The following ZNF442 variants were observed in gnomAD, a reference collection of about 807,000 sequenced individuals.
The protein encoded by ZNF442 is zinc finger protein 442.
A neutral mutation model predicts 57.0 loss-of-function variants in ZNF442; 45 were observed. The ratio of observed to expected loss-of-function variants is 0.79; its 90% CI spans 0.62 to 1.01. The LOEUF is 1.01. ZNF442 is among the 50% of genes least tolerant of loss of function. ZNF442 has a pLI of 0.00. For missense variants in ZNF442, 690 were observed against 756.5 expected (o/e 0.91, Z 1.03); for synonymous variants, 213 against 241.8 (o/e 0.88, Z 1.10).
chr19:12,367,843 T>C (rs757292193), upstream of ZNF442, among the ~76,000 whole-genome samples: 3 of 152,124 alleles, frequency 2.0e-5, no homozygotes, highest in African/African-American at 2.4e-5. Flanking sequence ...TAATTTTTTG[T>C]ATTTTTAGTA....
At chr19:12,363,721 A>G in intron 2 of ZNF442, 50 bp from the exon 3 acceptor site, 3 of 1,219,500 alleles carry the variant, frequency 2.5e-6, no homozygotes, top group Non-Finnish European at 3.6e-6. Context: ...AGCTTTTTAT[A>G]GAAATGGTAT....
chr19:12,352,989 T>C lies in ZNF442; in HGVS notation c.204A>G (p.Ile68Met). ...MWETIRNLDC[I>M]GMKWEDTNIE... ...GTGAAGACATAATGTCATTTTTACC[T>C]ATACAGTCCAGGTTCCTAATGGTTT... is the stretch of plus-strand genomic sequence containing the variant. The change falls in exon 4 of 6, where the codon ATA becomes ATG. Residue 68 changes from isoleucine to methionine, a missense_variant and splice_region_variant. Physicochemically the swap from Ile to Met is conservative, Grantham distance 10. Transcript: ENST00000242804. 6.2e-7 allele frequency: 1 copy of C among 1,601,152 alleles called. No individual in the cohort carries two copies. The highest frequency in any genetic ancestry group is 2.2e-5 in the East Asian group (1 of 44,562).
At chr19:12,360,395 C>T (rs892166855) in intron 3 of ZNF442, among the ~76,000 whole-genome samples, 1 of 152,118 alleles carries the variant, frequency 6.6e-6, no homozygotes, top group Non-Finnish European at 1.5e-5. Context: ...TGGAGTGATC[C>T]GGAGGCTCCC....
rs1427984302 is a variant in ZNF442, at chr19:12,350,063, T to G, written c.1522A>C (p.Arg508=). 1.2e-6 allele frequency: 2 copies of G among 1,614,100 alleles called. No homozygotes were observed. Among genetic ancestry groups the G allele is most frequent in the Admixed American group, 3.3e-5 (2 of 60,014 alleles). ...SCFTYLSQHR[R]THMAEKPYEC... ...TAAGGTTTTTCAGCCATGTGAGTCCTTCTATGTTGAGAAAGGTATGTGAAA... is the reference window on the plus strand; with the variant it reads ...TAAGGTTTTTCAGCCATGTGAGTCCGTCTATGTTGAGAAAGGTATGTGAAA... The change falls in exon 6 of 6, where the codon AGG becomes CGG. Residue 508 remains arginine, a synonymous_variant. Transcript: ENST00000242804.
At chr19:12,364,066 G>C (rs538594072) in intron 2 of ZNF442, among the ~76,000 whole-genome samples, 1 of 152,160 alleles carries the variant, frequency 6.6e-6, no homozygotes, top group Non-Finnish European at 1.5e-5. Flanking sequence ...TGCAGTGTCA[G>C]GTTATTCTCT....
chr19:12,362,190 GA>G (rs2144840676), intron 3 of ZNF442, among the ~76,000 whole-genome samples: 1 of 152,120 alleles, frequency 6.6e-6, no homozygotes, highest in East Asian at 1.9e-4. Flanking sequence ...CATCATCTGG[GA>G]TGTGAGGAGC....
At chr19:12,356,247 TGAAATAAAAA>T (rs1969326388) in intron 3 of ZNF442, among the ~76,000 whole-genome samples, 1 of 151,692 alleles carries the variant, frequency 6.6e-6, no homozygotes, top group South Asian at 2.1e-4. Context: ...AACTGTAGAA[TGAAATAAAAA>T]GATAAACCAC....
upstream of ZNF442, among the ~76,000 whole-genome samples, chr19:12,369,580 A>G (rs1178526464): frequency 6.7e-6 from 1 of 150,070 alleles, no homozygotes; most frequent in Non-Finnish European, 1.5e-5. Context: ...CAGCCTGGGC[A>G]ACAAGAGCGA....
At chr19:12,351,755 G>A (rs1176775508) in intron 5 of ZNF442, 2 of 403,998 alleles carry the variant, frequency 5.0e-6, no homozygotes, top group Non-Finnish European at 4.4e-6. Flanking sequence ...CGCTCGCCTT[G>A]GCCTCCCAAA....
At chr19:12,363,323 A>C (rs1301946717) in intron 3 of ZNF442, among the ~76,000 whole-genome samples, 3 of 152,136 alleles carry the variant, frequency 2.0e-5, no homozygotes, top group Admixed American at 1.3e-4. Flanking sequence ...TTTCAATGTG[A>C]CAACCTCAGG....
chr19:12,373,625 G>T, the ZNF442 span: 2 of 259,632 alleles, frequency 7.7e-6, no homozygotes, highest in Admixed American at 3.6e-5. Context: ...CACTCTTGTC[G>T]CATCTGTTCA....
Position 12,349,026 on chromosome 19 carries a change from C to CAAAAAAAAAAAAAA in ZNF442, c.*661_*674dup, listed in dbSNP as rs146226078. 1.7e-5 allele frequency: 1 copy of CAAAAAAAAAAAAAA among 58,986 alleles called. No individual in the cohort carries two copies. The allele number at this position is 58,986 out of a possible 1,614,324, so 3.7% of individuals were successfully genotyped here. On this transcript the variant is annotated 3_prime_UTR_variant, in exon 6 of 6. Coordinates refer to ENST00000242804, the MANE Select transcript of ZNF442 (RefSeq NM_030824.3). ...TGAAACCCCGTCTCTACTAAAAATA[C>CAAAAAAAAAAAAAA]AAAAAAAAAAAAAAAAAAAAAAAAA... is the stretch of plus-strand genomic sequence containing the variant.
intron 3 of ZNF442, among the ~76,000 whole-genome samples, chr19:12,356,292 C>A (rs1181926632): frequency 6.6e-6 from 1 of 151,934 alleles, no homozygotes. Flanking sequence ...TACTAGCAAT[C>A]CTTCCATGTG....
At chr19:12,363,404 T>C (rs924837991) in intron 3 of ZNF442, 150 bp downstream of exon 3, 2 of 686,378 alleles carry the variant, frequency 2.9e-6, no homozygotes, top group East Asian at 2.5e-5. Flanking sequence ...CCTGGGACAT[T>C]AGTCACCCCC....
chr19:12,361,670 C>T (rs1244092231), intron 3 of ZNF442, among the ~76,000 whole-genome samples: 5 of 144,914 alleles, frequency 3.5e-5, no homozygotes, highest in Non-Finnish European at 6.1e-5. Flanking sequence ...AATTGGACCT[C>T]CCCCTCCCCC....
rs1467402007 is a variant in ZNF442, at chr19:12,350,263, G to C, written c.1322C>G (p.Ala441Gly). ...KPYECKECGKAFRISSSLRRH... is the reference protein window; with the variant it reads ...KPYECKECGKGFRISSSLRRH... Reference sequence around the variant, plus strand: ...TCGAAGGGAACTAGAAATACGGAAGGCTTTACCACATTCTTTACATTCATA... The same window carrying C: ...TCGAAGGGAACTAGAAATACGGAAGCCTTTACCACATTCTTTACATTCATA... Residue 441 changes from alanine (A) to glycine (G), a missense_variant, in exon 6 of 6, where the codon GCC becomes GGC. Transcript: ENST00000242804. 1.2e-6 allele frequency: 2 copies of C among 1,613,222 alleles called. No individual in the cohort carries two copies. The highest frequency in any genetic ancestry group is 1.7e-6 in the Non-Finnish European group (2 of 1,179,940).
At chr19:12,367,170 C>T (rs531362405), upstream of ZNF442, among the ~76,000 whole-genome samples, 5 of 152,298 alleles carry the variant, frequency 3.3e-5, no homozygotes, top group African/African-American at 7.2e-5. Flanking sequence ...CCCTAAGTGT[C>T]GGCCCATCTG....
intron 5 of ZNF442, chr19:12,351,745 C>T (rs1022810064): frequency 2.6e-6 from 1 of 380,812 alleles, no homozygotes; most frequent in Non-Finnish European, 4.7e-6. Context: ...ACCTTGTGAT[C>T]GCTCGCCTTG....
rs557021558 is a variant in ZNF442 at position 12,363,002 on chromosome 19, A to AAC, written c.78+551_78+552insGT. The stretch of plus-strand genomic sequence containing the variant: ...ACTAAAAATACAAAAAACAAAACAA[A>AAC]AAAAAAATTAGCCAGGTGTGGTGGT... On this transcript the variant is annotated intron_variant, in intron 3 of 5. Transcript: ENST00000242804. Among the ~76,000 whole-genome samples the AAC allele has an allele frequency of 3.6e-3, 540 of 151,672 alleles. 3 individuals carry two copies. The highest frequency in any genetic ancestry group is 0.013 in the African/African-American group (517 of 41,274).
Sources: allele counts gnomAD v4.1 joint callset (sites outside exome capture counted in the v4.1 genomes callset), GRCh38; gene constraint gnomAD v4.1.1; transcripts MANE v1.5; gene names NCBI Gene and HGNC (gene_info 2026-07-23, HGNC 2026-07-21).